The following NCF4 variants were observed in gnomAD, a reference collection of about 807,000 sequenced individuals.
NCF4 encodes neutrophil cytosolic factor 4.
NCF4 carries 30 observed loss-of-function variants against 41.7 expected under a neutral mutation model. The observed-to-expected ratio is 0.72, with a 90% CI of 0.54 to 0.97. NCF4 has a LOEUF of 0.97. Ranked by LOEUF, NCF4 falls within the 50% of genes least tolerant of loss-of-function variation. The pLI, the probability that NCF4 is intolerant of heterozygous loss-of-function variation, is 0.00. For synonymous variants in NCF4, 195 were observed against 175.8 expected, an observed-to-expected ratio of 1.11 and a Z score of -0.87; for missense variants, 432 against 460.9, an observed-to-expected ratio of 0.94 and a Z score of 0.57.
In NCF4 at chr22:36,872,412, A is replaced by G; in HGVS notation, c.614A>G (p.Lys205Arg). Residue 205 changes from lysine to arginine, a missense_variant, in exon 7 of 10, where the codon AAA becomes AGA. Coordinates refer to ENST00000248899, the MANE Select transcript of NCF4 (RefSeq NM_000631.5). ...DVIFLLSRINKDWLEGTVRGA... is the reference protein window; with the variant it reads ...DVIFLLSRINRDWLEGTVRGA... ...ATCTTCCTCCTCAGTCGGATCAACA[A>G]AGACTGGCTGGAGGTGAGTTCAGAA... 4.3e-6 allele frequency: 7 copies of G among 1,609,668 alleles called. No individual in the cohort carries two copies. Among genetic ancestry groups the G allele is most frequent in the Non-Finnish European group, 6.0e-6 (7 of 1,175,922 alleles).
chr22:36,875,855 C>G (rs1244700189), intron 8 of NCF4, 72 bp downstream of exon 8: 7 of 1,614,136 alleles, frequency 4.3e-6, no homozygotes, highest in African/African-American at 1.3e-5. Context: ...CTCACATCAC[C>G]TTCTCATGGG....
intron 8 of NCF4, 110 bp from the exon 9 acceptor site, chr22:36,875,919 A>C (rs770541268): frequency 6.2e-6 from 10 of 1,614,156 alleles, no homozygotes; most frequent in Non-Finnish European, 8.5e-6. Context: ...ACAATGCTGT[A>C]ACAAGCCATC....
chr22:36,877,386 C>T (rs545581817), intron 9 of NCF4, among the ~76,000 whole-genome samples: 2 of 152,268 alleles, frequency 1.3e-5, no homozygotes, highest in South Asian at 4.1e-4. Flanking sequence ...ATCTGCCTGC[C>T]TCGGCCTCCC....
intron 1 of NCF4, among the ~76,000 whole-genome samples, chr22:36,862,384 C>A (rs1406257958): frequency 6.6e-6 from 1 of 152,176 alleles, no homozygotes; most frequent in Non-Finnish European, 1.5e-5. Context: ...GGTGCAGGAG[C>A]TGGGTAAGGC....
At chr22:36,877,544 A>G (rs1940219090) in intron 9 of NCF4, 84 bp from the exon 10 acceptor site, 1 of 1,427,130 alleles carries the variant, frequency 7.0e-7, no homozygotes, top group Non-Finnish European at 9.9e-7. Flanking sequence ...TCCTGGCTTC[A>G]GGACATAAAA....
At chr22:36,873,417 G>A (rs1264104661) in intron 7 of NCF4, among the ~76,000 whole-genome samples, 1 of 150,648 alleles carries the variant, frequency 6.6e-6, no homozygotes, top group Non-Finnish European at 1.5e-5. Context: ...TGAGATTAGA[G>A]GTGAGGCTGG....
At position 36,875,695 on chromosome 22, in the gene NCF4, G is replaced by C; in HGVS notation, c.670G>C (p.Val224Leu). The change falls in exon 8 of 10, where the codon GTG becomes CTG. Residue 224 changes from valine (V) to leucine (L), a missense_variant. Physicochemically the swap from Val to Leu is conservative, Grantham distance 32. Coordinates refer to ENST00000248899, the MANE Select transcript of NCF4 (RefSeq NM_000631.5). ...CACGGGCATCTTCCCTCTCTCCTTCGTGAAGATCCTCAAAGACTTCCCTGA... is the reference window on the plus strand; with the variant it reads ...CACGGGCATCTTCCCTCTCTCCTTCCTGAAGATCCTCAAAGACTTCCCTGA... ...GATGIFPLSFVKILKDFPEED... is the reference protein window; with the variant it reads ...GATGIFPLSFLKILKDFPEED... 5 of 1,613,156 alleles carry C rather than the reference G, an allele frequency of 3.1e-6. No individual in the cohort carries two copies. Among genetic ancestry groups the C allele is most frequent in the Non-Finnish European group, 4.2e-6 (5 of 1,180,022 alleles).
chr22:36,866,180 T>A (rs1939922775), intron 3 of NCF4, among the ~76,000 whole-genome samples: 1 of 152,088 alleles, frequency 6.6e-6, no homozygotes, highest in Admixed American at 6.5e-5. Flanking sequence ...TCCTTTGGCA[T>A]CAAATTCACG....
Position 36,865,149 on chromosome 22 carries a change from G to A in NCF4, c.271+77G>A, listed in dbSNP as rs1195244057. 1 of 1,575,942 alleles carries A rather than the reference G, an allele frequency of 6.3e-7. No homozygotes were observed. Among genetic ancestry groups the A allele is most frequent in the East Asian group, 2.2e-5 (1 of 44,594 alleles). ...TCCAGGGCCCCTGACACTGTTCTGT[G>A]ATTTGATCTCAACCCCAGTGAAAAC... On this transcript the variant is annotated intron_variant, in intron 3 of 9. Transcript: ENST00000248899. This position sits in a 1 kb window ranked among gnomAD's most constrained non-coding sequence, Gnocchi z 4.3.
intron 2 of NCF4, among the ~76,000 whole-genome samples, chr22:36,864,520 C>T (rs1204772167): frequency 6.6e-6 from 1 of 152,086 alleles, no homozygotes; most frequent in Non-Finnish European, 1.5e-5. Flanking sequence ...CCCACAACAC[C>T]CCTGTCATAT....
rs747315841 is a variant in NCF4 at position 36,875,711 on chromosome 22, A to T, written c.686A>T (p.Asp229Val). 1 of 1,613,572 alleles carries T rather than the reference A, an allele frequency of 6.2e-7. No homozygotes were observed. Among genetic ancestry groups the T allele is most frequent in the Non-Finnish European group, 8.5e-7 (1 of 1,180,008 alleles). Reference sequence around the variant, plus strand: ...CTCTCCTTCGTGAAGATCCTCAAAGACTTCCCTGAGGAGGACGACCCCACC... The same window carrying T: ...CTCTCCTTCGTGAAGATCCTCAAAGTCTTCCCTGAGGAGGACGACCCCACC... Reference protein sequence around the residue: ...FPLSFVKILKDFPEEDDPTNW... With the variant: ...FPLSFVKILKVFPEEDDPTNW... The change falls in exon 8 of 10, where the codon GAC becomes GTC. Residue 229 changes from aspartate (D) to valine (V), a missense_variant. Physicochemically the swap from Asp to Val is radical, Grantham distance 152 (BLOSUM62 -3). Coordinates refer to ENST00000248899, the MANE Select transcript of NCF4 (RefSeq NM_000631.5).
chr22:36,867,204 G>A (rs181668394), intron 3 of NCF4, among the ~76,000 whole-genome samples, 188 bp from the exon 4 acceptor site: 182 of 151,940 alleles, frequency 1.2e-3, no homozygotes, highest in Non-Finnish European at 1.5e-3. Context: ...GCTGGTGATA[G>A]CACAACTGAG....
At chr22:36,870,080 A>T in intron 4 of NCF4, 2 of 384,748 alleles carry the variant, frequency 5.2e-6, no homozygotes, top group South Asian at 4.3e-5. Flanking sequence ...AAGGGCGCGC[A>T]TGTGATACCC....
chr22:36,875,477 A>G (rs1040461957), intron 7 of NCF4, among the ~76,000 whole-genome samples, 176 bp from the exon 8 acceptor site: 9 of 152,198 alleles, frequency 5.9e-5, no homozygotes, highest in Admixed American at 1.3e-4. Flanking sequence ...CCCAAATATA[A>G]GCCTTCTTAG....
chr22:36,873,880 G>T (rs1940137040), intron 7 of NCF4, among the ~76,000 whole-genome samples: 1 of 152,110 alleles, frequency 6.6e-6, no homozygotes, highest in South Asian at 2.1e-4. Context: ...GTGTAATATG[G>T]GACAACAGTA....
chr22:36,876,047 A>G lies in NCF4; in HGVS notation c.777A>G (p.Glu259=), dbSNP rs1011962494. 3 of 1,612,504 alleles carry G rather than the reference A, an allele frequency of 1.9e-6. No individual in the cohort carries two copies. The highest frequency in any genetic ancestry group is 2.5e-6 in the Non-Finnish European group (3 of 1,178,770). The change falls in exon 9 of 10, where the codon GAA becomes GAG. Residue 259 remains glutamate, a synonymous_variant. Transcript: ENST00000248899. ...ISTIKDIAVE[E]DLSSTPLLKD... is the part of the protein sequence containing the mutation. ...CCCTTAGGGACATCGCGGTGGAGGAAGATCTCAGCAGCACTCCCCTATTGA... is the reference window on the plus strand; with the variant it reads ...CCCTTAGGGACATCGCGGTGGAGGAGGATCTCAGCAGCACTCCCCTATTGA...
chr22:36,876,722 C>T (rs1940201614), intron 9 of NCF4, among the ~76,000 whole-genome samples: 1 of 152,208 alleles, frequency 6.6e-6, no homozygotes, highest in Admixed American at 6.5e-5. Context: ...AGGATTTCTT[C>T]TGCTTTTTTA....
chr22:36,875,675 G>T lies in NCF4; in HGVS notation c.650G>T (p.Gly217Val). The change falls in exon 8 of 10, where the codon GGC (glycine) becomes GTC (valine). Residue 217 changes from glycine (G) to valine (V), a missense_variant. Physicochemically the swap from Gly to Val is moderately radical, Grantham distance 109 (BLOSUM62 -3). Coordinates refer to ENST00000248899, the MANE Select transcript of NCF4 (RefSeq NM_000631.5). ...WLEGTVRGAT[G>V]IFPLSFVKIL... ...CAGGGCACTGTCCGGGGAGCCACGG[G>T]CATCTTCCCTCTCTCCTTCGTGAAG... 6.2e-7 allele frequency: 1 copy of T among 1,612,434 alleles called. No individual in the cohort carries two copies.
intron 1 of NCF4, among the ~76,000 whole-genome samples, chr22:36,863,429 T>C (rs1939832942): frequency 6.6e-6 from 1 of 151,174 alleles, no homozygotes; most frequent in South Asian, 2.1e-4. Context: ...TCTGCCAATG[T>C]CTGTCCTGCT....
Sources: gnomAD v4.1 joint callset for allele counts (sites outside exome capture counted in the v4.1 genomes callset) on GRCh38, gnomAD v4.1.1 for gene constraint, Gnocchi (gnomAD v3.1) non-coding constraint, MANE v1.5 for transcripts, NCBI Gene and HGNC (gene_info 2026-07-23, HGNC 2026-07-21) for gene names.